GLRA1: variants seen among roughly 807,000 people sequenced by gnomAD.
GLRA1 encodes the protein glycine receptor alpha 1.
A neutral mutation model predicts 48.3 loss-of-function variants in GLRA1; 37 were observed. That is an observed-to-expected ratio of 0.77 (90% CI 0.59 to 1.01). GLRA1 has a LOEUF of 1.01. Among genes scored for constraint, GLRA1 ranks in the 50% least tolerant of loss-of-function variants. GLRA1 has a pLI of 0.00. For missense variants in GLRA1, 427 were observed against 571.0 expected (o/e 0.75, Z 2.57); for synonymous variants, 196 against 210.7 (o/e 0.93, Z 0.60).
chr5:151,899,337 G>C (rs1754308259), intron 1 of GLRA1, among the ~76,000 whole-genome samples: 1 of 152,320 alleles, frequency 6.6e-6, no homozygotes, highest in Admixed American at 6.5e-5. Context: ...ATTAATTGTA[G>C]CCTCTGTGTG....
At position 151,924,637 on chromosome 5, in the gene GLRA1, C is replaced by A; in HGVS notation, c.-88G>T. ...CTTACAAAACCAGAAAGCGCTATTGCAAAAAATAATCCAGATGTTAAAGGG... is the reference window on the plus strand; with the variant it reads ...CTTACAAAACCAGAAAGCGCTATTGAAAAAAATAATCCAGATGTTAAAGGG... On this transcript the variant is annotated 5_prime_UTR_variant, in exon 1 of 9. Transcript: ENST00000274576. The A allele has an allele frequency of 7.2e-6, 6 of 836,646 alleles. No individual in the cohort carries two copies. The highest frequency in any genetic ancestry group is 3.4e-5 in the Admixed American group (2 of 58,884). The allele number at this position is 836,646 out of a possible 1,614,324, so 51.8% of individuals were successfully genotyped here. A position where few individuals can be genotyped will look rare whatever the true frequency, so the allele number is the denominator to read the frequency against.
At chr5:151,848,976 T>C in intron 7 of GLRA1, 2 of 710,426 alleles carry the variant, frequency 2.8e-6, no homozygotes, top group South Asian at 2.9e-5. Flanking sequence ...GCCATGTATG[T>C]CTGGATCGAT....
At chr5:151,841,447 A>C (rs556820885) in intron 7 of GLRA1, among the ~76,000 whole-genome samples, 1 of 152,138 alleles carries the variant, frequency 6.6e-6, no homozygotes, top group South Asian at 2.1e-4. Context: ...GGGCAAACTA[A>C]AGTCAAAGCA....
chr5:151,908,205 C>T (rs1446433637), intron 1 of GLRA1, among the ~76,000 whole-genome samples: 1 of 152,296 alleles, frequency 6.6e-6, no homozygotes, highest in Non-Finnish European at 1.5e-5. Flanking sequence ...ATGGGTCCCA[C>T]CAGCAGGAAA....
Position 151,837,764 on chromosome 5 carries a change from A to C in GLRA1, c.913-8697T>G, listed in dbSNP as rs558964187. 2.0e-5 allele frequency among the ~76,000 whole-genome samples: 3 copies of C among 152,296 alleles called. No homozygotes were observed. The South Asian group carries it at 6.2e-4, about 32-fold the overall frequency. ...TCATAAATGGGAGTTCAACAATGAG[A>C]ATACATGGACACAGGGCAGGGAACA... On this transcript the variant is annotated intron_variant, in intron 7 of 8. Coordinates refer to ENST00000274576, the MANE Select transcript of GLRA1 (RefSeq NM_000171.4).
At chr5:151,860,409 T>G (rs905706279) in intron 3 of GLRA1, among the ~76,000 whole-genome samples, 1 of 152,128 alleles carries the variant, frequency 6.6e-6, no homozygotes, top group African/African-American at 2.4e-5. Flanking sequence ...GAAGTCCCCC[T>G]TTTACCCTCA....
intron 7 of GLRA1, among the ~76,000 whole-genome samples, chr5:151,835,206 C>T (rs1763541878): frequency 6.6e-6 from 1 of 152,026 alleles, no homozygotes; most frequent in African/African-American, 2.4e-5. Flanking sequence ...CACATACACC[C>T]TCCCAAGACT....
intron 6 of GLRA1, among the ~76,000 whole-genome samples, chr5:151,854,577 G>A (rs375150100): frequency 2.2e-4 from 33 of 152,190 alleles, no homozygotes; most frequent in Non-Finnish European, 4.3e-4. Flanking sequence ...CTACACCATC[G>A]TGGCTTCTCT....
At chr5:151,856,440 C>T in intron 4 of GLRA1, 57 bp from the exon 5 acceptor site, 2 of 1,102,630 alleles carry the variant, frequency 1.8e-6, no homozygotes, top group East Asian at 2.4e-5. Context: ...GAGGCTGTGC[C>T]TCTATTCTAG....
At chr5:151,884,322 G>A (rs1753841437) in intron 3 of GLRA1, among the ~76,000 whole-genome samples, 2 of 152,170 alleles carry the variant, frequency 1.3e-5, no homozygotes, top group East Asian at 1.9e-4. Flanking sequence ...CCAGCTACTC[G>A]GGAGGCTGAG....
At chr5:151,903,389 T>G (rs1754408075) in intron 1 of GLRA1, among the ~76,000 whole-genome samples, 2 of 152,158 alleles carry the variant, frequency 1.3e-5, no homozygotes, top group Admixed American at 1.3e-4. Flanking sequence ...AAGTGGGTAT[T>G]TGCATGTAAA....
intron 1 of GLRA1, among the ~76,000 whole-genome samples, chr5:151,901,587 A>G (rs1020867588): frequency 2.0e-5 from 3 of 152,218 alleles, no homozygotes; most frequent in Middle Eastern, 3.2e-3. Context: ...TCACTGGAGA[A>G]ATGTGTCTTT....
intron 3 of GLRA1, among the ~76,000 whole-genome samples, chr5:151,875,021 A>G (rs1487489735): frequency 6.6e-6 from 1 of 152,168 alleles, no homozygotes; most frequent in African/African-American, 2.4e-5. Flanking sequence ...GAGAGCAACA[A>G]AGTGGGAAAA....
At chr5:151,827,739 C>A (rs1167318842) in intron 8 of GLRA1, among the ~76,000 whole-genome samples, 1 of 152,094 alleles carries the variant, frequency 6.6e-6, no homozygotes, top group Non-Finnish European at 1.5e-5. Flanking sequence ...GCTTGTAGGA[C>A]CTGGCATATT....
chr5:151,866,933 T>C lies in GLRA1; in HGVS notation c.253-6925A>G, dbSNP rs191659164. 3.1e-4 allele frequency among the ~76,000 whole-genome samples: 47 copies of C among 152,008 alleles called. No individual in the cohort carries two copies. In the East Asian group the frequency reaches 8.9e-3, roughly 29 times the overall value. On this transcript the variant is annotated intron_variant, in intron 3 of 8. Transcript: ENST00000274576. Reference sequence around the variant, plus strand: ...AGCCTGGGCAATGTGGAAAACTCCATCTGTACAAAAAAAGTAAAAATAAAA... The same window carrying C: ...AGCCTGGGCAATGTGGAAAACTCCACCTGTACAAAAAAAGTAAAAATAAAA...
intron 1 of GLRA1, among the ~76,000 whole-genome samples, chr5:151,908,426 T>G (rs1754528307): frequency 6.6e-6 from 1 of 152,196 alleles, no homozygotes; most frequent in Non-Finnish European, 1.5e-5. Flanking sequence ...TTTCTCTACC[T>G]TATTCCTTTT....
chr5:151,896,894 TCTG>T (rs1328188370), intron 1 of GLRA1, among the ~76,000 whole-genome samples: 2 of 152,212 alleles, frequency 1.3e-5, no homozygotes, highest in African/African-American at 2.4e-5. Flanking sequence ...ATTCTAGTGA[TCTG>T]CTGCTTGCCA....
intron 1 of GLRA1, among the ~76,000 whole-genome samples, chr5:151,917,837 A>C (rs962195182): frequency 6.6e-6 from 1 of 152,180 alleles, no homozygotes; most frequent in Non-Finnish European, 1.5e-5. Flanking sequence ...TTGGGAATGT[A>C]CTTGTGAGAA....
chr5:151,844,553 G>A (rs796899899), intron 7 of GLRA1, among the ~76,000 whole-genome samples: 8 of 145,282 alleles, frequency 5.5e-5, no homozygotes, highest in African/African-American at 1.5e-4. Flanking sequence ...ACCTGGGAGG[G>A]AGAGGTTACG....
Sources: gnomAD v4.1 joint callset for allele counts (sites outside exome capture counted in the v4.1 genomes callset) on GRCh38, gnomAD v4.1.1 for gene constraint, MANE v1.5 for transcripts, NCBI Gene and HGNC (gene_info 2026-07-23, HGNC 2026-07-21) for gene names.